The following HMGCLL1 variants were observed in gnomAD, a reference collection of about 807,000 sequenced individuals.
HMGCLL1 encodes the protein 3-hydroxymethyl-3-methylglutaryl-CoA lyase, cytoplasmic.
In HMGCLL1, 36 loss-of-function variants were observed where a neutral mutation model predicts 39.1. The observed-to-expected ratio is 0.92, with a 90% CI of 0.71 to 1.22. The LOEUF (loss-of-function observed/expected upper bound fraction) is 1.22. Among genes scored for constraint, HMGCLL1 ranks in the 50% most tolerant of loss-of-function variants. The pLI, the probability that HMGCLL1 is intolerant of heterozygous loss-of-function variation, is 0.00. For synonymous variants in HMGCLL1, 149 were observed against 144.0 expected (o/e 1.03, Z -0.25); for missense variants, 451 against 416.5 (o/e 1.08, Z -0.72).
At chr6:55,664,395 A>C in the HMGCLL1 span, among the ~76,000 whole-genome samples, 1 of 151,740 alleles carries the variant, frequency 6.6e-6, no homozygotes, top group Non-Finnish European at 1.5e-5. Context: ...TGCTGATCTG[A>C]AAAAGATCTT....
chr6:55,571,984 T>C (rs183462970), intron 1 of HMGCLL1, among the ~76,000 whole-genome samples: 18 of 151,864 alleles, frequency 1.2e-4, no homozygotes, highest in African/African-American at 4.3e-4. Context: ...TAAAATCAAG[T>C]GAGCTAAATA....
At chr6:55,593,631 C>T in the HMGCLL1 span, among the ~76,000 whole-genome samples, 1 of 152,060 alleles carries the variant, frequency 6.6e-6, no homozygotes, top group Non-Finnish European at 1.5e-5. Context: ...AGTGTAATAA[C>T]CAAGTTTTAT....
chr6:55,458,783 T>A (rs1373500797), intron 7 of HMGCLL1, among the ~76,000 whole-genome samples: 2 of 152,236 alleles, frequency 1.3e-5, no homozygotes, highest in Non-Finnish European at 2.9e-5. Flanking sequence ...ATTATGTATT[T>A]GTGCATTGCA....
At chr6:55,542,222 T>A in intron 1 of HMGCLL1, 82 bp from the exon 2 acceptor site, 1 of 786,982 alleles carries the variant, frequency 1.3e-6, no homozygotes, top group South Asian at 1.6e-5. Flanking sequence ...ACAACTGCAC[T>A]TTGTTATACT....
chr6:55,532,429 T>C (rs1768736352), intron 3 of HMGCLL1, among the ~76,000 whole-genome samples: 1 of 152,166 alleles, frequency 6.6e-6, no homozygotes, highest in African/African-American at 2.4e-5. Context: ...TGTTGAATGC[T>C]GAGTAATACC....
At chr6:55,436,231 T>C (rs1464663070) in intron 8 of HMGCLL1, among the ~76,000 whole-genome samples, 2 of 152,040 alleles carry the variant, frequency 1.3e-5, no homozygotes, top group Non-Finnish European at 2.9e-5. Flanking sequence ...TATGCATATA[T>C]ATACATATAT....
the HMGCLL1 span, among the ~76,000 whole-genome samples, chr6:55,626,246 A>G: frequency 6.6e-6 from 1 of 152,124 alleles, no homozygotes; most frequent in African/African-American, 2.4e-5. Context: ...TATCCTGCAC[A>G]CAATGCTTCT....
At chr6:55,617,984 A>T in the HMGCLL1 span, among the ~76,000 whole-genome samples, 2 of 152,276 alleles carry the variant, frequency 1.3e-5, no homozygotes, top group Non-Finnish European at 2.9e-5. Flanking sequence ...GGATTTTTAT[A>T]ACTATAATAT....
chr6:55,630,362 C>A, the HMGCLL1 span, among the ~76,000 whole-genome samples: 1 of 152,002 alleles, frequency 6.6e-6, no homozygotes, highest in Non-Finnish European at 1.5e-5. Context: ...TACCCAATGC[C>A]CATACCCCTA....
the HMGCLL1 span, among the ~76,000 whole-genome samples, chr6:55,601,834 A>G: frequency 6.6e-6 from 1 of 152,204 alleles, no homozygotes; most frequent in Non-Finnish European, 1.5e-5. Context: ...AATAAAGACT[A>G]TACAACCCCA....
the HMGCLL1 span, among the ~76,000 whole-genome samples, chr6:55,601,296 C>G: frequency 6.6e-6 from 1 of 152,244 alleles, no homozygotes; most frequent in East Asian, 1.9e-4. Flanking sequence ...ACCAGCTGTT[C>G]AGGAATGACC....
intron 7 of HMGCLL1, among the ~76,000 whole-genome samples, chr6:55,470,830 G>A (rs748546219): frequency 6.6e-6 from 1 of 151,748 alleles, no homozygotes; most frequent in Non-Finnish European, 1.5e-5. Flanking sequence ...GCAGGAGAGA[G>A]AGCATGAAGA....
chr6:55,538,161 A>C (rs1769137188), intron 3 of HMGCLL1, among the ~76,000 whole-genome samples: 1 of 152,184 alleles, frequency 6.6e-6, no homozygotes, highest in Non-Finnish European at 1.5e-5. Context: ...TAATACTAGA[A>C]GGTGGCCATG....
rs1485100590 is a variant in HMGCLL1 at position 55,541,794 on chromosome 6, G to A, written c.232C>T (p.Leu78Phe). 3 of 1,609,060 alleles carry A rather than the reference G, an allele frequency of 1.9e-6. No individual in the cohort carries two copies. The highest frequency in any genetic ancestry group is 1.7e-5 in the Admixed American group (1 of 59,506). ...TDIKIEFINR[L>F]SQTGLSVIEV... ...ATTACAGACAAGCCAGTTTGGGAAA[G>A]TCGATTGATAAATTCAATTTTTATA... The change falls in exon 3 of 9, where the codon CTT (leucine) becomes TTT (phenylalanine). Residue 78 changes from leucine to phenylalanine, a missense_variant. Leu to Phe is a conservative substitution (Grantham distance 22). Coordinates refer to ENST00000274901, the MANE Select transcript of HMGCLL1 (RefSeq NM_001042406.2).
rs1051345478 is a variant in HMGCLL1, at chr6:55,495,508, C to A, written c.706G>T (p.Val236Leu). The A allele has an allele frequency of 6.2e-7, 1 of 1,613,832 alleles. No individual in the cohort carries two copies. Among genetic ancestry groups the A allele is most frequent in the Admixed American group, 1.7e-5 (1 of 59,998 alleles). Residue 236 changes from valine to leucine, a missense_variant, in exon 7 of 9, where the codon GTG (valine) becomes TTG (leucine). Val to Leu is a conservative substitution (Grantham distance 32). Transcript: ENST00000274901. ...GCACCTGGTGGGATTTCTTTCATCA[C>A]ACTTTCCAACATTCTTTTCATACTT... ...PGSMKRMLES[V>L]MKEIPPGALA...
At chr6:55,592,463 C>A in the HMGCLL1 span, among the ~76,000 whole-genome samples, 3 of 151,992 alleles carry the variant, frequency 2.0e-5, no homozygotes, top group Admixed American at 1.3e-4. Context: ...TCATCTTCAA[C>A]AATAGAATAG....
the HMGCLL1 span, among the ~76,000 whole-genome samples, chr6:55,620,588 G>T: frequency 6.6e-6 from 1 of 151,380 alleles, no homozygotes; most frequent in African/African-American, 2.4e-5. Flanking sequence ...TATCCCATTT[G>T]TCCATTTTTA....
At chr6:55,477,176 A>G (rs1765350371) in intron 7 of HMGCLL1, among the ~76,000 whole-genome samples, 1 of 40,338 alleles carries the variant, frequency 2.5e-5, no homozygotes, top group Non-Finnish European at 3.9e-5. Context: ...TATAATATAT[A>G]TTATATTTAT....
chr6:55,435,810 GAA>G (rs757343873), intron 8 of HMGCLL1, 47 bp from the exon 9 acceptor site: 2 of 976,818 alleles, frequency 2.0e-6, no homozygotes, highest in South Asian at 3.5e-5. Context: ...GGATTAGAGA[GAA>G]AAAAGATAAA....
Sources: allele counts gnomAD v4.1 joint callset (sites outside exome capture counted in the v4.1 genomes callset), GRCh38; gene constraint gnomAD v4.1.1; transcripts MANE v1.5; gene names NCBI Gene and HGNC (gene_info 2026-07-23, HGNC 2026-07-21).